Variants in OTUD7A observed in about 807,000 individuals in gnomAD.
OTUD7A encodes the protein OTU deubiquitinase 7A.
In OTUD7A, 12 loss-of-function variants were observed where a neutral mutation model predicts 65.7. The ratio of observed to expected loss-of-function variants is 0.18; its 90% CI spans 0.12 to 0.30. The LOEUF is 0.30. Among genes scored for constraint, OTUD7A ranks in the 10% least tolerant of loss-of-function variants. The pLI, the probability that OTUD7A is intolerant of heterozygous loss-of-function variation, is 1.00. For missense variants in OTUD7A, 1,148 were observed against 1,304.8 expected, an observed-to-expected ratio of 0.88 and a Z score of 1.85; for synonymous variants, 641 against 586.3, an observed-to-expected ratio of 1.09 and a Z score of -1.35.
intron 1 of OTUD7A, among the ~76,000 whole-genome samples, chr15:31,672,097 T>C (rs1258738069): frequency 1.3e-5 from 2 of 152,202 alleles, no homozygotes; most frequent in East Asian, 1.9e-4. Flanking sequence ...TGTGTAATCG[T>C]TGTCAGGCTT....
chr15:31,501,927 C>T (rs1030921111), intron 9 of OTUD7A, 88 bp from the exon 10 acceptor site: 17 of 1,409,294 alleles, frequency 1.2e-5, no homozygotes, highest in African/African-American at 7.2e-5. Flanking sequence ...CTCACTACCC[C>T]GGGGGGACTC....
rs1188064600 is a variant in OTUD7A, at chr15:31,476,467, T to C, written c.*6827A>G. ...GGGAGACCTTCACGGACACCTGCCA[T>C]GGAGAAAGTTTGCATGGGCCAAGGG... On this transcript the variant is annotated 3_prime_UTR_variant, in exon 13 of 13. Coordinates refer to ENST00000307050, the MANE Select transcript of OTUD7A (RefSeq NM_001382637.1). 1 of 152,240 alleles carries C rather than the reference T, an allele frequency of 6.6e-6. No homozygotes were observed. The highest frequency in any genetic ancestry group is 1.5e-5 in the Non-Finnish European group (1 of 68,094). 9.4% of individuals were successfully genotyped at this position (152,240 alleles called of 1,614,324 possible).
chr15:31,773,817 A>C (rs1022741397), intron 1 of OTUD7A, among the ~76,000 whole-genome samples: 2 of 152,102 alleles, frequency 1.3e-5, no homozygotes, highest in Non-Finnish European at 2.9e-5. Context: ...TAAATGCTCC[A>C]CTCCTCAAAA....
intron 1 of OTUD7A, among the ~76,000 whole-genome samples, chr15:31,727,648 T>C (rs1383577759): frequency 6.6e-6 from 1 of 152,232 alleles, no homozygotes; most frequent in Non-Finnish European, 1.5e-5. Flanking sequence ...GCCTCAGCTT[T>C]GGCCTTTCCT....
Position 31,782,727 on chromosome 15 carries a change from G to A in OTUD7A, c.-100+87780C>T, listed in dbSNP as rs776296677. ...TGACTTCATGACTGATTGGCTTGGG[G>A]GTACAGAGAGAGAGTAAGGTGTCAA... On this transcript the variant is annotated intron_variant, in intron 1 of 12. Transcript: ENST00000307050. 6.6e-5 allele frequency among the ~76,000 whole-genome samples: 10 copies of A among 152,004 alleles called. No individual in the cohort carries two copies. In the Middle Eastern group the frequency reaches 0.01, roughly 155 times the overall value.
intron 8 of OTUD7A, among the ~76,000 whole-genome samples, chr15:31,517,761 C>T (rs183007999): frequency 1.1e-4 from 16 of 152,258 alleles, no homozygotes; most frequent in Admixed American, 3.3e-4. Flanking sequence ...GGAGTCCCTC[C>T]TGGCAGGACC....
chr15:31,605,604 G>A (rs140894591), intron 3 of OTUD7A, among the ~76,000 whole-genome samples: 3 of 152,312 alleles, frequency 2.0e-5, no homozygotes, highest in African/African-American at 4.8e-5. Context: ...GGGCGCCTCC[G>A]TGCTCACTTT....
At chr15:31,771,737 A>C (rs2140914034) in intron 1 of OTUD7A, among the ~76,000 whole-genome samples, 1 of 152,288 alleles carries the variant, frequency 6.6e-6, no homozygotes, top group African/African-American at 2.4e-5. Context: ...GTCCAAAGTC[A>C]CTAGCATGGC....
In OTUD7A at chr15:31,479,673, G is replaced by GC. The variant is rs2041086979; in HGVS notation, c.*3620_*3621insG. Reference sequence around the variant, plus strand: ...TGTGGACACTAAGTGGGGGGGGGGGGTGATGGGCCCATGACCCCTCCCCAG... The same window carrying GC: ...TGTGGACACTAAGTGGGGGGGGGGGGCTGATGGGCCCATGACCCCTCCCCAG... On this transcript the variant is annotated 3_prime_UTR_variant, in exon 13 of 13. Transcript: ENST00000307050. 2 of 139,134 alleles carry GC rather than the reference G, an allele frequency of 1.4e-5. No individual in the cohort carries two copies. The highest frequency in any genetic ancestry group is 5.5e-5 in the African/African-American group (2 of 36,286). 8.6% of individuals were successfully genotyped at this position (139,134 alleles called of 1,614,324 possible).
intron 1 of OTUD7A, among the ~76,000 whole-genome samples, chr15:31,765,038 C>A (rs1334933137): frequency 6.9e-6 from 1 of 145,586 alleles, no homozygotes; most frequent in Non-Finnish European, 1.6e-5. Flanking sequence ...AGGCACATAG[C>A]AGTTGCTAAA....
At chr15:31,665,733 T>A (rs1214407982) in intron 1 of OTUD7A, among the ~76,000 whole-genome samples, 2 of 152,206 alleles carry the variant, frequency 1.3e-5, no homozygotes, top group Non-Finnish European at 2.9e-5. Flanking sequence ...CTTGTCTTGT[T>A]CCAGTTCTCA....
chr15:31,552,533 T>C lies in OTUD7A; in HGVS notation c.550+6436A>G, dbSNP rs145160384. Among the ~76,000 whole-genome samples the C allele has an allele frequency of 2.0e-5, 3 of 152,364 alleles. No homozygotes were observed. In the East Asian group the frequency reaches 5.8e-4, roughly 29 times the overall value. On this transcript the variant is annotated intron_variant, in intron 5 of 12. Coordinates refer to ENST00000307050, the MANE Select transcript of OTUD7A (RefSeq NM_001382637.1). ...GATGCTGAGTATGCATCCAGCCCTG[T>C]GCACACACGACCTCAGTTCATCTTC...
At chr15:31,816,145 A>G (rs1342342755) in intron 1 of OTUD7A, among the ~76,000 whole-genome samples, 1 of 152,184 alleles carries the variant, frequency 6.6e-6, no homozygotes, top group Non-Finnish European at 1.5e-5. Flanking sequence ...TTTCCAGCCC[A>G]TATCAGAAGA....
At chr15:31,792,952 C>G (rs1216786685) in intron 1 of OTUD7A, among the ~76,000 whole-genome samples, 1 of 152,170 alleles carries the variant, frequency 6.6e-6, no homozygotes, top group East Asian at 1.9e-4. Flanking sequence ...CACTGCCATG[C>G]AGATGCTCAT....
intron 1 of OTUD7A, among the ~76,000 whole-genome samples, chr15:31,681,121 T>C (rs374646367): frequency 4.0e-5 from 6 of 151,416 alleles, no homozygotes; most frequent in South Asian, 4.2e-4. Flanking sequence ...TCTTTTGATA[T>C]ATATTTTTTC....
intron 1 of OTUD7A, among the ~76,000 whole-genome samples, chr15:31,677,493 G>A (rs559336831): frequency 6.6e-6 from 1 of 152,316 alleles, no homozygotes; most frequent in East Asian, 1.9e-4. Flanking sequence ...GGTGGGATCA[G>A]GTGGAGGTAA....
intron 3 of OTUD7A, among the ~76,000 whole-genome samples, chr15:31,613,338 A>G (rs530497755): frequency 2.2e-4 from 34 of 152,314 alleles, no homozygotes; most frequent in African/African-American, 7.9e-4. Flanking sequence ...TAAAAGGAAC[A>G]GCCAGCAGAG....
At chr15:31,816,007 C>T (rs1156594617) in intron 1 of OTUD7A, among the ~76,000 whole-genome samples, 1 of 152,202 alleles carries the variant, frequency 6.6e-6, no homozygotes, top group Non-Finnish European at 1.5e-5. Context: ...AGAGGAGGCA[C>T]ATGCCCCAGT....
intron 8 of OTUD7A, among the ~76,000 whole-genome samples, chr15:31,523,410 T>C (rs1332654754): frequency 6.6e-6 from 1 of 152,174 alleles, no homozygotes; most frequent in East Asian, 1.9e-4. Context: ...TCTTCAGAGC[T>C]CTCTGCCAGT....
Sources: allele counts gnomAD v4.1 joint callset (sites outside exome capture counted in the v4.1 genomes callset), GRCh38; gene constraint gnomAD v4.1.1; transcripts MANE v1.5; gene names NCBI Gene and HGNC (gene_info 2026-07-23, HGNC 2026-07-21).